SYT1: variants seen among roughly 807,000 people sequenced by gnomAD.
SYT1 encodes synaptotagmin-1.
A neutral mutation model predicts 44.8 loss-of-function variants in SYT1; 8 were observed. The observed-to-expected ratio is 0.18, with a 90% CI of 0.10 to 0.32. The LOEUF (loss-of-function observed/expected upper bound fraction) is 0.32. Among genes scored for constraint, SYT1 ranks in the 10% least tolerant of loss-of-function variants. The pLI is 1.00. For missense variants in SYT1, 286 were observed against 509.3 expected (o/e 0.56, Z 4.22); for synonymous variants, 154 against 188.8 (o/e 0.82, Z 1.51).
At chr12:79,233,042 C>T (rs1309340898) in intron 4 of SYT1, among the ~76,000 whole-genome samples, 1 of 152,128 alleles carries the variant, frequency 6.6e-6, no homozygotes, top group East Asian at 1.9e-4. Context: ...ATCTTCTGTT[C>T]CCTTTCTTTC....
At position 79,089,018 on chromosome 12, in the gene SYT1, C is replaced by T. The variant is rs1172658371; in HGVS notation, c.-18+41656C>T. Among the ~76,000 whole-genome samples the T allele has an allele frequency of 2.6e-5, 4 of 151,878 alleles. No individual in the cohort carries two copies. In the East Asian group the frequency reaches 5.8e-4, roughly 22 times the overall value. Reference sequence around the variant, plus strand: ...CATTTTAGACATGTTAATAATAAATCAGTGAATATAATATGGTATTGCAAA... The same window carrying T: ...CATTTTAGACATGTTAATAATAAATTAGTGAATATAATATGGTATTGCAAA... On this transcript the variant is annotated intron_variant, in intron 3 of 10. Coordinates refer to ENST00000261205, the MANE Select transcript of SYT1 (RefSeq NM_005639.3).
At position 79,019,283 on chromosome 12, in the gene SYT1, CCTT is replaced by C. The variant is rs1342227630; in HGVS notation, c.-83-28010_-83-28008del. On this transcript the variant is annotated intron_variant, in intron 2 of 10. Transcript: ENST00000261205. ...TCATTCATGAGTATTCTTTTAATGT[CCTT>C]CTTAAAATAACTTAATTTGGGGATT... Among the ~76,000 whole-genome samples the C allele has an allele frequency of 5.9e-5, 9 of 151,852 alleles. No individual in the cohort carries two copies. The East Asian group carries it at 1.5e-3, about 26-fold the overall frequency.
chr12:78,981,660 C>G (rs865797441), intron 2 of SYT1, among the ~76,000 whole-genome samples: 58 of 152,006 alleles, frequency 3.8e-4, no homozygotes, highest in African/African-American at 4.8e-4. Context: ...GGAATTCTAC[C>G]CTTTGTTTCT....
chr12:78,981,554 G>C (rs187914989), intron 2 of SYT1, among the ~76,000 whole-genome samples: 1 of 152,132 alleles, frequency 6.6e-6, no homozygotes, highest in Non-Finnish European at 1.5e-5. Flanking sequence ...CCAACTAATG[G>C]AGTGAAGGGA....
intron 9 of SYT1, among the ~76,000 whole-genome samples, chr12:79,416,504 CAG>C (rs1281996652): frequency 6.6e-6 from 1 of 152,062 alleles, no homozygotes; most frequent in Non-Finnish European, 1.5e-5. Flanking sequence ...AGTAAAATAA[CAG>C]ATGATCACTA....
chr12:79,251,529 T>C (rs1482126360), intron 4 of SYT1, among the ~76,000 whole-genome samples: 1 of 152,158 alleles, frequency 6.6e-6, no homozygotes, highest in Non-Finnish European at 1.5e-5. Context: ...AGTCTTCCCA[T>C]AAAGAGTAAG....
chr12:79,280,405 A>G (rs1878982208), intron 4 of SYT1, among the ~76,000 whole-genome samples: 1 of 152,180 alleles, frequency 6.6e-6, no homozygotes, highest in Non-Finnish European at 1.5e-5. Flanking sequence ...TGGGGAATCG[A>G]TATCCTATTC....
At chr12:79,410,506 C>CAAAAAAAAAAAAAAAAAAAAAAAGA (rs5799432) in intron 9 of SYT1, among the ~76,000 whole-genome samples, 2 of 75,916 alleles carry the variant, frequency 2.6e-5, no homozygotes, top group Non-Finnish European at 4.8e-5. Flanking sequence ...TGTTCAAAGT[C>CAAAAAAAAAAAAAAAAAAAAAAAGA]AAAAAAAAAA....
At chr12:79,093,461 T>C (rs574532912) in intron 3 of SYT1, among the ~76,000 whole-genome samples, 1 of 151,886 alleles carries the variant, frequency 6.6e-6, no homozygotes, top group South Asian at 2.1e-4. Context: ...GGAAATTATT[T>C]TGATAAAATG....
At chr12:79,045,469 C>T (rs1410343150) in intron 2 of SYT1, 1 of 155,276 alleles carries the variant, frequency 6.4e-6, no homozygotes, top group African/African-American at 2.4e-5. Context: ...ATGCCTCGCC[C>T]CTGTTTCGGC....
intron 8 of SYT1, among the ~76,000 whole-genome samples, chr12:79,332,325 T>C (rs1470237310): frequency 5.3e-5 from 8 of 152,232 alleles, no homozygotes; most frequent in Non-Finnish European, 8.8e-5. Context: ...TCCCTAATGA[T>C]GTTCTGATTT....
At chr12:79,232,048 T>C (rs1159631117) in intron 4 of SYT1, among the ~76,000 whole-genome samples, 1 of 152,214 alleles carries the variant, frequency 6.6e-6, no homozygotes, top group Non-Finnish European at 1.5e-5. Flanking sequence ...TGTGTGACCT[T>C]GGGCAAATGA....
intron 3 of SYT1, among the ~76,000 whole-genome samples, chr12:79,194,642 A>C (rs2138465934): frequency 6.6e-6 from 1 of 152,182 alleles, no homozygotes; most frequent in African/African-American, 2.4e-5. Context: ...ACCCACTTTG[A>C]GAACCACTGT....
intron 1 of SYT1, among the ~76,000 whole-genome samples, chr12:78,973,470 C>A (rs1868522002): frequency 6.6e-6 from 1 of 152,088 alleles, no homozygotes; most frequent in Non-Finnish European, 1.5e-5. Flanking sequence ...AGAAATAAAA[C>A]TACCATATCA....
chr12:79,008,479 TTACTC>T (rs1317103431), intron 2 of SYT1, among the ~76,000 whole-genome samples: 2 of 152,094 alleles, frequency 1.3e-5, no homozygotes, highest in African/African-American at 4.8e-5. Flanking sequence ...TTCAAGAAAT[TTACTC>T]TGGCTATTGG....
At chr12:79,048,703 G>A (rs952368245) in intron 3 of SYT1, among the ~76,000 whole-genome samples, 1 of 151,846 alleles carries the variant, frequency 6.6e-6, no homozygotes, top group African/African-American at 2.4e-5. Flanking sequence ...AGTATTCAGA[G>A]CAGGTTACGG....
At chr12:79,248,680 C>T (rs1186022649) in intron 4 of SYT1, among the ~76,000 whole-genome samples, 1 of 152,108 alleles carries the variant, frequency 6.6e-6, no homozygotes, top group Admixed American at 6.5e-5. Context: ...ATGGTATGTT[C>T]AACAAAATGC....
At chr12:78,960,637 G>C (rs1879453747) in intron 1 of SYT1, 1 of 152,204 alleles carries the variant, frequency 6.6e-6, no homozygotes, top group Non-Finnish European at 1.5e-5. Context: ...TATGAAGGGG[G>C]CTGCAGGATC....
intron 3 of SYT1, among the ~76,000 whole-genome samples, chr12:79,060,888 CA>C (rs375972275): frequency 6.7e-6 from 1 of 148,516 alleles, no homozygotes; most frequent in Non-Finnish European, 1.5e-5. Flanking sequence ...AGGCAATCAG[CA>C]AAAAAAAATA....
Sources: allele counts gnomAD v4.1 joint callset (sites outside exome capture counted in the v4.1 genomes callset), GRCh38; gene constraint gnomAD v4.1.1; transcripts MANE v1.5; gene names NCBI Gene and HGNC (gene_info 2026-07-23, HGNC 2026-07-21).